MED27: variants seen among roughly 807,000 people sequenced by gnomAD.
The protein encoded by MED27 is mediator complex subunit 27.
In MED27, 30 loss-of-function variants were observed where a neutral mutation model predicts 38.2. The observed-to-expected ratio is 0.79, with a 90% CI of 0.59 to 1.07. MED27 has a LOEUF of 1.07. MED27 is among the 50% of genes least tolerant of loss of function. MED27 has a pLI of 0.00. For synonymous variants in MED27, 122 were observed against 153.5 expected, an observed-to-expected ratio of 0.79 and a Z score of 1.52; for missense variants, 289 against 397.5, an observed-to-expected ratio of 0.73 and a Z score of 2.32.
intron 3 of MED27, among the ~76,000 whole-genome samples, chr9:131,988,568 CTTACT>C (rs1053596205): frequency 2.6e-5 from 4 of 152,140 alleles, no homozygotes; most frequent in Admixed American, 2.0e-4. Flanking sequence ...TTTTCTCTGG[CTTACT>C]TTATTGTAAG....
chr9:131,905,582 C>T (rs1830039493), intron 4 of MED27, among the ~76,000 whole-genome samples: 1 of 151,834 alleles, frequency 6.6e-6, no homozygotes, highest in Non-Finnish European at 1.5e-5. Flanking sequence ...CCTGTAATCC[C>T]AGCACTTTGG....
At chr9:131,978,659 A>G (rs1831662203) in intron 3 of MED27, among the ~76,000 whole-genome samples, 1 of 152,220 alleles carries the variant, frequency 6.6e-6, no homozygotes, top group South Asian at 2.1e-4. Flanking sequence ...GAAGTTCTCC[A>G]TTAAAAAGTT....
intron 3 of MED27, among the ~76,000 whole-genome samples, chr9:131,994,531 T>C (rs1357755005): frequency 6.6e-6 from 1 of 152,188 alleles, no homozygotes; most frequent in East Asian, 1.9e-4. Context: ...ACCAGATGAA[T>C]CCTGGAGGAC....
At chr9:132,016,373 A>C (rs1832602659) in intron 2 of MED27, among the ~76,000 whole-genome samples, 1 of 152,208 alleles carries the variant, frequency 6.6e-6, no homozygotes, top group African/African-American at 2.4e-5. Context: ...GCCCAATACA[A>C]GACAAACATA....
intron 4 of MED27, among the ~76,000 whole-genome samples, chr9:131,931,485 A>C (rs1020882248): frequency 3.3e-5 from 5 of 152,178 alleles, no homozygotes; most frequent in Admixed American, 2.0e-4. Context: ...GTAAGTCCTT[A>C]CTTATCAACA....
At chr9:131,907,535 G>C (rs961902884) in intron 4 of MED27, among the ~76,000 whole-genome samples, 4 of 152,166 alleles carry the variant, frequency 2.6e-5, no homozygotes, top group Non-Finnish European at 4.4e-5. Context: ...TGGTGCCCAG[G>C]CTGGAGTGCA....
chr9:131,977,888 T>C (rs1455494012), intron 3 of MED27, among the ~76,000 whole-genome samples: 1 of 152,176 alleles, frequency 6.6e-6, no homozygotes, highest in Non-Finnish European at 1.5e-5. Flanking sequence ...TTGTTTGAGA[T>C]GGGGAAGTTT....
At chr9:131,901,152 G>A (rs778147884) in intron 4 of MED27, among the ~76,000 whole-genome samples, 1 of 151,836 alleles carries the variant, frequency 6.6e-6, no homozygotes, top group African/African-American at 2.4e-5. Context: ...AGGGGCTGGC[G>A]GGCACACCCA....
chr9:132,027,576 C>A (rs1176899765), intron 2 of MED27, among the ~76,000 whole-genome samples: 1 of 152,238 alleles, frequency 6.6e-6, no homozygotes, highest in East Asian at 1.9e-4. Context: ...AGTACACAGC[C>A]ATAATTCCCT....
At chr9:131,999,893 C>T (rs748047348) in intron 3 of MED27, among the ~76,000 whole-genome samples, 15 of 151,966 alleles carry the variant, frequency 9.9e-5, no homozygotes, top group African/African-American at 1.7e-4. Flanking sequence ...GGTGTTCCAG[C>T]CCACAACTAC....
chr9:132,030,008 A>C (rs1832920064), intron 2 of MED27, among the ~76,000 whole-genome samples: 1 of 152,252 alleles, frequency 6.6e-6, no homozygotes, highest in Non-Finnish European at 1.5e-5. Flanking sequence ...CTTCCCACAC[A>C]GAAAATGTGA....
rs544982132 is a variant in MED27, at chr9:131,907,342, C to T, written c.574-13350G>A. Among the ~76,000 whole-genome samples the T allele has an allele frequency of 3.9e-5, 6 of 151,904 alleles. No individual in the cohort carries two copies. In the East Asian group the frequency reaches 7.8e-4, roughly 20 times the overall value. ...TGCCTGATTCTCCTGCCTCAGCCTG[C>T]GAGTGCCTGCGACTGCAGGCACGCG... On this transcript the variant is annotated intron_variant, in intron 4 of 7. Coordinates refer to ENST00000292035, the MANE Select transcript of MED27 (RefSeq NM_004269.4).
chr9:132,060,510 G>T (rs1833674464), intron 2 of MED27, among the ~76,000 whole-genome samples: 1 of 152,190 alleles, frequency 6.6e-6, no homozygotes. Flanking sequence ...TGTGACCACT[G>T]CACGGTCCCA....
intron 3 of MED27, among the ~76,000 whole-genome samples, chr9:131,984,122 C>G (rs10117497): frequency 0.019 from 2,931 of 152,254 alleles, 90 homozygotes; most frequent in African/African-American, 0.067. Context: ...ACTCCCTCCC[C>G]ACATTTGCTC....
intron 2 of MED27, among the ~76,000 whole-genome samples, chr9:132,065,376 G>A (rs571083581): frequency 7.9e-5 from 12 of 152,338 alleles, no homozygotes; most frequent in South Asian, 4.1e-4. Flanking sequence ...AGGGAAAGGA[G>A]AAGAGCGGCG....
rs765100914 is a variant in MED27, at chr9:131,982,877, C to T, written c.479+31460G>A. On this transcript the variant is annotated intron_variant, in intron 3 of 7. Transcript: ENST00000292035. This position sits in a 1 kb window ranked among gnomAD's most constrained non-coding sequence, Gnocchi z 4.3. Reference sequence around the variant, plus strand: ...CTCAATAAAACTCTGTTTACAGAAACGGGTAGTAGGCTAGTGGGCCTTGGT... The same window carrying T: ...CTCAATAAAACTCTGTTTACAGAAATGGGTAGTAGGCTAGTGGGCCTTGGT... Among the ~76,000 whole-genome samples the T allele has an allele frequency of 2.4e-4, 36 of 152,196 alleles. No homozygotes were observed. The highest frequency in any genetic ancestry group is 4.8e-4 in the African/African-American group (20 of 41,444).
At position 132,029,683 on chromosome 9, in the gene MED27, G is replaced by C. The variant is rs1049079621; in HGVS notation, c.349-15216C>G. ...GAAGCAAGGTTACAAAATAGGGAAG[G>C]AGGTGGGGAGGAAGACAAGCCAAGA... On this transcript the variant is annotated intron_variant, in intron 2 of 7. Coordinates refer to ENST00000292035, the MANE Select transcript of MED27 (RefSeq NM_004269.4). 2.6e-5 allele frequency among the ~76,000 whole-genome samples: 4 copies of C among 152,304 alleles called. No homozygotes were observed. The East Asian group carries it at 7.7e-4, about 29-fold the overall frequency.
chr9:131,963,209 T>A (rs1831255291), intron 3 of MED27, among the ~76,000 whole-genome samples: 1 of 152,106 alleles, frequency 6.6e-6, no homozygotes, highest in Non-Finnish European at 1.5e-5. Flanking sequence ...AACCGTATCA[T>A]TCACAGGAGC....
At chr9:131,875,438 C>T (rs908792118) in intron 6 of MED27, among the ~76,000 whole-genome samples, 2 of 152,116 alleles carry the variant, frequency 1.3e-5, no homozygotes, top group African/African-American at 4.8e-5. Context: ...CAGCCTATAC[C>T]CTGAGCCACC....
Sources: gnomAD v4.1 joint callset for allele counts (sites outside exome capture counted in the v4.1 genomes callset) on GRCh38, gnomAD v4.1.1 for gene constraint, Gnocchi (gnomAD v3.1) non-coding constraint, MANE v1.5 for transcripts, NCBI Gene and HGNC (gene_info 2026-07-23, HGNC 2026-07-21) for gene names.